Variants in ZMYM1 observed in about 807,000 individuals in gnomAD.
The protein encoded by ZMYM1 is zinc finger MYM-type containing 1.
ZMYM1 carries 39 observed loss-of-function variants against 60.0 expected under a neutral mutation model. The observed-to-expected ratio is 0.65, with a 90% confidence interval of 0.50 to 0.85. The LOEUF is 0.85. Among genes scored for constraint, ZMYM1 ranks in the 40% least tolerant of loss-of-function variants. The pLI is 0.00. For missense variants in ZMYM1, 1,171 were observed against 1,309.5 expected, an observed-to-expected ratio of 0.89 and a Z score of 1.63; for synonymous variants, 413 against 454.0, an observed-to-expected ratio of 0.91 and a Z score of 1.15.
intron 6 of ZMYM1, among the ~76,000 whole-genome samples, chr1:35,108,605 G>A (rs903998133): frequency 1.3e-5 from 2 of 151,884 alleles, no homozygotes; most frequent in South Asian, 2.1e-4. Context: ...TGCCCGCCTC[G>A]GCCTGCCAAA....
chr1:35,105,227 C>T (rs1415454090), intron 6 of ZMYM1, among the ~76,000 whole-genome samples: 2 of 148,684 alleles, frequency 1.3e-5, no homozygotes, highest in Non-Finnish European at 3.0e-5. Flanking sequence ...TTCTGCCTCG[C>T]GGGTTCATGC....
chr1:35,070,646 A>C (rs1006138923), intron 1 of ZMYM1, among the ~76,000 whole-genome samples: 5 of 152,138 alleles, frequency 3.3e-5, no homozygotes, highest in Non-Finnish European at 7.4e-5. Flanking sequence ...ACTATGATGA[A>C]TAGGAGTGGT....
chr1:35,104,760 A>G lies in ZMYM1; in HGVS notation c.798A>G (p.Ala266=). ...HYFNSSKSIT[A]YKQKPAKPLI... Reference sequence around the variant, plus strand: ...TTAATAGTTCAAAGAGTATTACAGCATATAAGCAGGTATGAATAAAGACCT... The same window carrying G: ...TTAATAGTTCAAAGAGTATTACAGCGTATAAGCAGGTATGAATAAAGACCT... The change falls in exon 6 of 10, where the codon GCA becomes GCG. Residue 266 remains alanine (A), a synonymous_variant. Transcript: ENST00000359858. The G allele has an allele frequency of 6.2e-7, 1 of 1,611,184 alleles. No homozygotes were observed. Among genetic ancestry groups the G allele is most frequent in the Non-Finnish European group, 8.5e-7 (1 of 1,177,494 alleles).
intron 1 of ZMYM1, among the ~76,000 whole-genome samples, chr1:35,085,204 C>A (rs969331626): frequency 1.3e-5 from 2 of 151,952 alleles, no homozygotes; most frequent in East Asian, 3.9e-4. Flanking sequence ...CCCACTACCA[C>A]GCCTGGCTAA....
chr1:35,111,750 G>T, intron 7 of ZMYM1, 22 bp from the exon 8 acceptor site: 3 of 1,542,510 alleles, frequency 1.9e-6, no homozygotes, highest in South Asian at 2.5e-5. Flanking sequence ...TTGTTTATAA[G>T]AAATCTTTTT....
chr1:35,075,298 G>A (rs781468412), upstream of ZMYM1, among the ~76,000 whole-genome samples: 2 of 152,028 alleles, frequency 1.3e-5, no homozygotes, highest in Non-Finnish European at 2.9e-5. Context: ...TGAGTCTCTT[G>A]TAGGCAGCAA....
intron 1 of ZMYM1, among the ~76,000 whole-genome samples, chr1:35,089,954 G>A (rs1335523273): frequency 1.3e-5 from 2 of 150,254 alleles, no homozygotes; most frequent in African/African-American, 4.9e-5. Context: ...GCCCAGGCTG[G>A]AGTGTAGTGG....
intron 1 of ZMYM1, among the ~76,000 whole-genome samples, chr1:35,068,837 T>G (rs147872556): frequency 1.9e-3 from 295 of 152,094 alleles, no homozygotes; most frequent in African/African-American, 6.8e-3. Context: ...GTCCTTTTTT[T>G]CTTTTCTTTT....
At position 35,065,280 on chromosome 1, in the gene ZMYM1, C is replaced by T. The variant is rs569170090; in HGVS notation, c.-301+5355C>T. Among the ~76,000 whole-genome samples, 9 of 146,150 alleles carry T rather than the reference C, an allele frequency of 6.2e-5. No homozygotes were observed. The South Asian group carries it at 1.5e-3, about 24-fold the overall frequency. On this transcript the variant is annotated intron_variant, in intron 1 of 10. Transcript: ENST00000417119. ...AAGACATTTATGACTGGTTCATTCC[C>T]GGCTTTCGGCACCAAAAAAAAAAAA... is the stretch of plus-strand genomic sequence containing the variant.
chr1:35,076,156 C>T (rs992951976), upstream of ZMYM1, among the ~76,000 whole-genome samples: 3 of 152,146 alleles, frequency 2.0e-5, no homozygotes, highest in Non-Finnish European at 4.4e-5. Context: ...TACACATAAC[C>T]CCAGATATAA....
chr1:35,088,507 C>CGTGTGTGT (rs1642809263), intron 1 of ZMYM1, among the ~76,000 whole-genome samples: 1 of 130,352 alleles, frequency 7.7e-6, no homozygotes, highest in African/African-American at 2.8e-5. Context: ...TGTGTATGTA[C>CGTGTGTGT]ATATATGTAT....
intron 1 of ZMYM1, among the ~76,000 whole-genome samples, chr1:35,062,907 A>T (rs986334871): frequency 2.0e-5 from 3 of 152,162 alleles, no homozygotes; most frequent in African/African-American, 4.8e-5. Flanking sequence ...GGTAAGAACA[A>T]ATGCTAAAAT....
At chr1:35,104,969 A>G (rs1237899070) in intron 6 of ZMYM1, among the ~76,000 whole-genome samples, 200 bp downstream of exon 6, 4 of 152,222 alleles carry the variant, frequency 2.6e-5, no homozygotes, top group Non-Finnish European at 5.9e-5. Flanking sequence ...AAATAATCTC[A>G]GATCGATTAT....
intron 6 of ZMYM1, among the ~76,000 whole-genome samples, 194 bp from the exon 7 acceptor site, chr1:35,110,100 A>G (rs1008395007): frequency 2.0e-5 from 3 of 152,194 alleles, no homozygotes; most frequent in African/African-American, 7.2e-5. Flanking sequence ...TCTGATAAAT[A>G]ATAAAAATCA....
chr1:35,076,878 G>A (rs1201798695), upstream of ZMYM1, among the ~76,000 whole-genome samples: 1 of 149,670 alleles, frequency 6.7e-6, no homozygotes. Flanking sequence ...GTTGCAGTGA[G>A]CCACCAAGAT....
At chr1:35,063,735 C>T (rs1434689035) in intron 1 of ZMYM1, among the ~76,000 whole-genome samples, 1 of 152,170 alleles carries the variant, frequency 6.6e-6, no homozygotes, top group African/African-American at 2.4e-5. Context: ...CGATCTCTAT[C>T]ACAATATTAC....
intron 1 of ZMYM1, among the ~76,000 whole-genome samples, chr1:35,088,894 C>T (rs1444367871): frequency 1.3e-5 from 2 of 150,842 alleles, no homozygotes; most frequent in African/African-American, 4.9e-5. Context: ...TCACTGCAAC[C>T]TCTGCCTCCC....
upstream of ZMYM1, chr1:35,079,222 A>G (rs1044233950): frequency 1.3e-5 from 2 of 152,256 alleles, no homozygotes; most frequent in African/African-American, 4.8e-5. Context: ...CTTCAAGGGT[A>G]AGATCCTATG....
chr1:35,080,613 G>T (rs888917851), intron 1 of ZMYM1, among the ~76,000 whole-genome samples: 16 of 151,954 alleles, frequency 1.1e-4, no homozygotes, highest in African/African-American at 3.9e-4. Flanking sequence ...CACTGTGCCC[G>T]GCTATTTGTG....
Sources: allele counts gnomAD v4.1 joint callset (sites outside exome capture counted in the v4.1 genomes callset), GRCh38; gene constraint gnomAD v4.1.1; transcripts MANE v1.5; gene names NCBI Gene and HGNC (gene_info 2026-07-23, HGNC 2026-07-21).